The following POR variants were observed in gnomAD, a reference collection of about 807,000 sequenced individuals.
POR encodes the protein cytochrome p450 oxidoreductase.
In POR, 56 loss-of-function variants were observed where a neutral mutation model predicts 84.0. The observed-to-expected ratio is 0.67, with a 90% CI of 0.54 to 0.83. The LOEUF is 0.83. Among genes scored for constraint, POR ranks in the 40% least tolerant of loss-of-function variants. POR has a pLI of 0.00. For missense variants in POR, 938 were observed against 944.3 expected, an observed-to-expected ratio of 0.99 and a Z score of 0.09; for synonymous variants, 414 against 400.5, an observed-to-expected ratio of 1.03 and a Z score of -0.40.
chr7:75,934,320 G>A (rs1554550518), intron 1 of POR, among the ~76,000 whole-genome samples: 1 of 151,984 alleles, frequency 6.6e-6, no homozygotes, highest in Non-Finnish European at 1.5e-5. Flanking sequence ...GCAACAGAGT[G>A]AACAACAACA....
chr7:75,984,192 G>C (rs1003921822), intron 10 of POR, among the ~76,000 whole-genome samples: 1 of 152,170 alleles, frequency 6.6e-6, no homozygotes, highest in African/African-American at 2.4e-5. Flanking sequence ...CACCTCTGCC[G>C]GCCTGGGGCT....
At chr7:75,918,105 G>A (rs1185326189) in intron 1 of POR, among the ~76,000 whole-genome samples, 11 of 152,148 alleles carry the variant, frequency 7.2e-5, no homozygotes, top group Admixed American at 2.6e-4. Context: ...TCAGGAGTTC[G>A]AGACCAGCCT....
At chr7:75,979,678 T>A in intron 4 of POR, 99 bp downstream of exon 4, 1 of 1,509,990 alleles carries the variant, frequency 6.6e-7, no homozygotes, top group Non-Finnish European at 9.0e-7. Flanking sequence ...CGGCAGGGAG[T>A]GGGGTCCTGG....
chr7:75,979,716 G>C (rs72553998), intron 4 of POR, 137 bp downstream of exon 4: 1 of 1,244,536 alleles, frequency 8.0e-7, no homozygotes, highest in Non-Finnish European at 1.1e-6. Flanking sequence ...TTGCCTTCCC[G>C]TGAGGGTCAT....
intron 2 of POR, among the ~76,000 whole-genome samples, chr7:75,963,593 G>A (rs1335786366): frequency 6.6e-6 from 1 of 152,228 alleles, no homozygotes; most frequent in Non-Finnish European, 1.5e-5. Context: ...AGCTGTGGAT[G>A]GCACAGTGGG....
chr7:75,935,618 CTTGT>C (rs782577764), intron 1 of POR, among the ~76,000 whole-genome samples: 38 of 107,618 alleles, frequency 3.5e-4, no homozygotes, highest in Admixed American at 8.2e-4. Context: ...CTGCTCGGGG[CTTGT>C]GTGTGTGTGT....
At chr7:75,971,610 G>C (rs1788444533) in intron 2 of POR, among the ~76,000 whole-genome samples, 1 of 152,156 alleles carries the variant, frequency 6.6e-6, no homozygotes, top group East Asian at 1.9e-4. Flanking sequence ...GCCCTCTGGA[G>C]GGGATGGACC....
chr7:75,983,300 C>T (rs781960305), intron 8 of POR: 25 of 513,598 alleles, frequency 4.9e-5, no homozygotes, highest in South Asian at 8.5e-5. Context: ...GAGATCGCGC[C>T]GCTGCACTCC....
chr7:75,985,331 G>T (rs377357128), intron 12 of POR, 124 bp downstream of exon 12: 1 of 1,318,910 alleles, frequency 7.6e-7, no homozygotes, highest in Non-Finnish European at 1.0e-6. Context: ...CAGCCCCAGC[G>T]CAGCTCCAAA....
At chr7:75,981,397 C>T in intron 6 of POR, 120 bp from the exon 7 acceptor site, 1 of 1,221,182 alleles carries the variant, frequency 8.2e-7, no homozygotes, top group Non-Finnish European at 1.1e-6. Flanking sequence ...TCGCTGGGTG[C>T]CCCAGGGTGC....
intron 15 of POR, 39 bp from the exon 16 acceptor site, chr7:75,986,298 C>T (rs1220751844): frequency 6.2e-7 from 1 of 1,612,618 alleles, no homozygotes; most frequent in Non-Finnish European, 8.5e-7. Flanking sequence ...CTGCCTGCCA[C>T]AGTTGGCCCA....
chr7:75,955,189 G>A (rs1787631740), intron 2 of POR, among the ~76,000 whole-genome samples: 1 of 152,164 alleles, frequency 6.6e-6, no homozygotes, highest in Non-Finnish European at 1.5e-5. Flanking sequence ...CACCTGGAAG[G>A]CTATGTGCTA....
intron 2 of POR, among the ~76,000 whole-genome samples, chr7:75,965,330 C>T (rs552061890): frequency 1.3e-5 from 2 of 152,324 alleles, no homozygotes; most frequent in African/African-American, 4.8e-5. Flanking sequence ...TCATCACCCA[C>T]CAGAGGTGAT....
intron 1 of POR, among the ~76,000 whole-genome samples, chr7:75,953,305 C>T (rs140523751): frequency 0.11 from 10,216 of 96,056 alleles, 1,300 homozygotes; most frequent in African/African-American, 0.33. Context: ...AGAGGGAGAC[C>T]GTGGAAAGAG....
At chr7:75,950,793 T>A (rs1554552626) in intron 1 of POR, among the ~76,000 whole-genome samples, 1 of 152,228 alleles carries the variant, frequency 6.6e-6, no homozygotes. Context: ...CCAGGTGCAG[T>A]GGCTCACGCC....
chr7:75,964,684 T>C (rs1788101870), intron 2 of POR, among the ~76,000 whole-genome samples: 1 of 152,188 alleles, frequency 6.6e-6, no homozygotes, highest in Non-Finnish European at 1.5e-5. Flanking sequence ...ATTTTATACA[T>C]ATATTTAAAA....
At chr7:75,985,530 G>A (rs1554559011) in intron 12 of POR, 49 bp from the exon 13 acceptor site, 2 of 1,476,000 alleles carry the variant, frequency 1.4e-6, no homozygotes, top group African/African-American at 1.4e-5. Flanking sequence ...GGCCGGGGCT[G>A]GGCAAGGGCC....
chr7:75,951,879 T>C lies in POR; in HGVS notation c.-4-2110T>C, dbSNP rs556719405. 3.8e-4 allele frequency among the ~76,000 whole-genome samples: 58 copies of C among 152,378 alleles called. 1 individual carries two copies. In the South Asian group the frequency reaches 0.012, roughly 31 times the overall value. Reference sequence around the variant, plus strand: ...CAGGTGTCGTTGGTGGAAGGACCAGTTGAGCATCTTATGAGGGAACTAGGC... The same window carrying C: ...CAGGTGTCGTTGGTGGAAGGACCAGCTGAGCATCTTATGAGGGAACTAGGC... On this transcript the variant is annotated intron_variant, in intron 1 of 15. Transcript: ENST00000461988.
chr7:75,979,204 A>G (rs1397467123), intron 3 of POR, among the ~76,000 whole-genome samples: 1 of 152,228 alleles, frequency 6.6e-6, no homozygotes, highest in African/African-American at 2.4e-5. Flanking sequence ...CCGTGTCATG[A>G]AAATGTCAGA....
Sources: allele counts gnomAD v4.1 joint callset (sites outside exome capture counted in the v4.1 genomes callset), GRCh38; gene constraint gnomAD v4.1.1; transcripts MANE v1.5; gene names NCBI Gene and HGNC (gene_info 2026-07-23, HGNC 2026-07-21).